The following CDH12 variants were observed in gnomAD, a reference collection of about 807,000 sequenced individuals.
The protein encoded by CDH12 is cadherin-12.
CDH12 carries 41 observed loss-of-function variants against 74.1 expected under a neutral mutation model. The observed-to-expected ratio is 0.55, with a 90% confidence interval of 0.43 to 0.72. CDH12 has a LOEUF of 0.72. Ranked by LOEUF, CDH12 falls within the 30% of genes least tolerant of loss-of-function variation. The probability of loss-of-function intolerance (pLI) is 0.00; values close to 1 mark genes in which losing one functional copy is unlikely to be tolerated. For missense variants in CDH12, 945 were observed against 977.2 expected (o/e 0.97, Z 0.44); for synonymous variants, 399 against 355.0 (o/e 1.12, Z -1.39).
At chr5:21,896,420 T>C (rs1159914762) in intron 6 of CDH12, among the ~76,000 whole-genome samples, 3 of 152,238 alleles carry the variant, frequency 2.0e-5, no homozygotes, top group Non-Finnish European at 4.4e-5. Flanking sequence ...TTTCATTATA[T>C]GTAAACTATT....
chr5:22,081,657 A>C (rs1198595182), intron 4 of CDH12, among the ~76,000 whole-genome samples: 1 of 152,208 alleles, frequency 6.6e-6, no homozygotes, highest in African/African-American at 2.4e-5. Flanking sequence ...ATCTAAGGTC[A>C]TCTCTCAAGA....
Position 22,093,665 on chromosome 5 carries a change from C to T in CDH12, c.-186-14803G>A, listed in dbSNP as rs138343756. ...AACGGGTTTGGGGTTCCTTCTTGGG[C>T]GAATAAAAATGTTCTAAAATCATAT... is the stretch of plus-strand genomic sequence containing the variant. On this transcript the variant is annotated intron_variant, in intron 4 of 14. Coordinates refer to ENST00000382254, the MANE Select transcript of CDH12 (RefSeq NM_004061.5). Among the ~76,000 whole-genome samples the T allele has an allele frequency of 3.3e-3, 504 of 151,850 alleles. 1 individual carries two copies. Among genetic ancestry groups the T allele is most frequent in the African/African-American group, 0.011 (459 of 41,372 alleles).
At chr5:22,069,353 G>A (rs796135654) in intron 5 of CDH12, among the ~76,000 whole-genome samples, 1 of 152,070 alleles carries the variant, frequency 6.6e-6, no homozygotes, top group African/African-American at 2.4e-5. Context: ...CTGGGGCAAG[G>A]GGGTCTCTAG....
At chr5:22,583,159 C>T (rs1451611677) in intron 1 of CDH12, among the ~76,000 whole-genome samples, 2 of 152,240 alleles carry the variant, frequency 1.3e-5, no homozygotes, top group South Asian at 4.2e-4. Context: ...CCAAAGTGTT[C>T]AACTTAGAAG....
chr5:22,028,408 C>T (rs1210113854), intron 5 of CDH12, among the ~76,000 whole-genome samples: 2 of 152,214 alleles, frequency 1.3e-5, no homozygotes, highest in Non-Finnish European at 2.9e-5. Context: ...GCAACTTCAG[C>T]AAAGTCTCAG....
chr5:22,290,704 C>T (rs1737348386), intron 3 of CDH12, among the ~76,000 whole-genome samples: 2 of 152,170 alleles, frequency 1.3e-5, no homozygotes, highest in South Asian at 2.1e-4. Flanking sequence ...AAAACTGATA[C>T]TATAGAAATA....
At chr5:21,806,910 T>C (rs186287106) in intron 9 of CDH12, among the ~76,000 whole-genome samples, 302 of 152,288 alleles carry the variant, frequency 2.0e-3, no homozygotes, top group Non-Finnish European at 3.5e-3. Flanking sequence ...ACTGATGCCC[T>C]CCTTGGTCCT....
chr5:22,538,918 C>T (rs1428241377), intron 1 of CDH12, among the ~76,000 whole-genome samples: 1 of 152,112 alleles, frequency 6.6e-6, no homozygotes, highest in Non-Finnish European at 1.5e-5. Flanking sequence ...TCTTTAGAGA[C>T]AGGGTCTGAT....
chr5:22,391,504 TG>T (rs150668322), intron 3 of CDH12, among the ~76,000 whole-genome samples: 3,916 of 152,276 alleles, frequency 0.026, 98 homozygotes, highest in African/African-American at 0.064. Flanking sequence ...CTTTTCCTTT[TG>T]CCCCACATAA....
intron 8 of CDH12, 130 bp from the exon 9 acceptor site, chr5:21,817,262 C>A: frequency 1.8e-6 from 1 of 550,992 alleles, no homozygotes; most frequent in South Asian, 3.1e-5. Flanking sequence ...ATTGAAAAGG[C>A]AATTTGCTGT....
At chr5:21,817,747 A>G (rs1338512151) in intron 8 of CDH12, among the ~76,000 whole-genome samples, 1 of 151,922 alleles carries the variant, frequency 6.6e-6, no homozygotes, top group African/African-American at 2.4e-5. Context: ...TTAACTTGTC[A>G]CCTTTCTATA....
chr5:22,416,660 A>G (rs1013900322), intron 2 of CDH12, among the ~76,000 whole-genome samples: 1 of 138,620 alleles, frequency 7.2e-6, no homozygotes, highest in East Asian at 1.9e-4. Context: ...AGGAATACAT[A>G]AAAAAAATAA....
At chr5:22,061,690 A>G (rs1741197264) in intron 5 of CDH12, among the ~76,000 whole-genome samples, 1 of 152,144 alleles carries the variant, frequency 6.6e-6, no homozygotes, top group Non-Finnish European at 1.5e-5. Context: ...CTTCCAAGAA[A>G]TCCAACTAAT....
chr5:22,368,813 G>GAA (rs398108689), intron 3 of CDH12, among the ~76,000 whole-genome samples: 1 of 151,864 alleles, frequency 6.6e-6, no homozygotes, highest in Non-Finnish European at 1.5e-5. Context: ...TAGGGTGTGA[G>GAA]CTACCATGCT....
At chr5:22,623,368 C>A (rs997415463) in intron 1 of CDH12, among the ~76,000 whole-genome samples, 1 of 152,308 alleles carries the variant, frequency 6.6e-6, no homozygotes, top group East Asian at 1.9e-4. Context: ...AAGAGGAAGT[C>A]AAATTGTCCC....
intron 6 of CDH12, chr5:21,883,904 G>T (rs1384644420): frequency 6.2e-7 from 1 of 1,607,354 alleles, no homozygotes; most frequent in Non-Finnish European, 8.5e-7. Flanking sequence ...GCATTGTTTT[G>T]GGAGGGGGTT....
intron 1 of CDH12, among the ~76,000 whole-genome samples, chr5:22,663,824 A>G (rs1408946911): frequency 8.0e-5 from 5 of 62,288 alleles, no homozygotes; most frequent in Non-Finnish European, 1.4e-4. Context: ...TTATTTTACA[A>G]TAACAATTAT....
intron 5 of CDH12, among the ~76,000 whole-genome samples, chr5:22,058,031 A>ATCTATCTATCTATCTG (rs1554005022): frequency 1.3e-5 from 2 of 150,288 alleles, no homozygotes; most frequent in Non-Finnish European, 3.0e-5. Context: ...CTATCTATCT[A>ATCTATCTATCTATCTG]TCTATCTATC....
At chr5:22,089,289 T>C (rs1003460029) in intron 4 of CDH12, among the ~76,000 whole-genome samples, 1 of 152,048 alleles carries the variant, frequency 6.6e-6, no homozygotes, top group Non-Finnish European at 1.5e-5. Flanking sequence ...AATATAGTAT[T>C]TATAAAGTCA....
Sources: allele counts gnomAD v4.1 joint callset (sites outside exome capture counted in the v4.1 genomes callset), GRCh38; gene constraint gnomAD v4.1.1; transcripts MANE v1.5; gene names NCBI Gene and HGNC (gene_info 2026-07-23, HGNC 2026-07-21).